Variants in GOLGA1 observed in about 807,000 individuals in gnomAD.
GOLGA1 encodes golgin subfamily A member 1.
A neutral mutation model predicts 119.7 loss-of-function variants in GOLGA1; 63 were observed. That is an observed-to-expected ratio of 0.53 (90% confidence interval 0.43 to 0.65). The LOEUF is 0.65. Ranked by LOEUF, GOLGA1 falls within the 30% of genes least tolerant of loss-of-function variation. GOLGA1 has a pLI of 0.00. For missense variants in GOLGA1, 798 were observed against 912.8 expected, an observed-to-expected ratio of 0.87 and a Z score of 1.62; for synonymous variants, 318 against 333.4, an observed-to-expected ratio of 0.95 and a Z score of 0.50.
chr9:124,887,197 G>A (rs992719842), intron 19 of GOLGA1, among the ~76,000 whole-genome samples: 3 of 152,216 alleles, frequency 2.0e-5, no homozygotes, highest in Admixed American at 6.5e-5. Flanking sequence ...AGAGGCTCAA[G>A]GGACGGAGGT....
At chr9:124,897,243 T>C (rs1403196643) in intron 15 of GOLGA1, among the ~76,000 whole-genome samples, 1 of 152,244 alleles carries the variant, frequency 6.6e-6, no homozygotes, top group Non-Finnish European at 1.5e-5. Flanking sequence ...CTCTATTTTC[T>C]TCATAGCATT....
intron 3 of GOLGA1, 82 bp from the exon 4 acceptor site, chr9:124,931,488 T>C: frequency 1.3e-6 from 1 of 754,872 alleles, no homozygotes; most frequent in Non-Finnish European, 2.4e-6. Flanking sequence ...AAGTCTTATT[T>C]TAGGTTTGGT....
In GOLGA1 at chr9:124,879,318, G is replaced by A. The variant is rs1829518111; in HGVS notation, c.*1212C>T. On this transcript the variant is annotated 3_prime_UTR_variant, in exon 23 of 23. Coordinates refer to ENST00000373555, the MANE Select transcript of GOLGA1 (RefSeq NM_002077.4). ...AGAACCAGCATGTTCCCTTTCCTCA[G>A]TAAACGAGGAATCCATAAAACAAGT... 1 of 152,094 alleles carries A rather than the reference G, an allele frequency of 6.6e-6. No homozygotes were observed. The allele number at this position is 152,094 out of a possible 1,614,324, so 9.4% of individuals were successfully genotyped here. A position where few individuals can be genotyped will look rare whatever the true frequency, so the allele number is the denominator to read the frequency against.
intron 16 of GOLGA1, among the ~76,000 whole-genome samples, 161 bp downstream of exon 16, chr9:124,890,226 TAG>T (rs1473824990): frequency 1.3e-5 from 2 of 152,142 alleles, no homozygotes. Flanking sequence ...CCCAGCTTCC[TAG>T]AGAGCACAGG....
At position 124,921,821 on chromosome 9, in the gene GOLGA1, A is replaced by G. The variant is rs140095910; in HGVS notation, c.633T>C (p.Arg211=). The change falls in exon 9 of 23, where the codon CGT becomes CGC. Residue 211 remains arginine (R), a synonymous_variant. Transcript: ENST00000373555. ...TGGAGTTCATCAACTCCTCCTGGGT[A>G]CGACTAAGTTCTCTGGTTCGTGCCT... ...ELEARTRELS[R]TQEELMNSNQ... 1,823 of 1,613,260 alleles carry G rather than the reference A, an allele frequency of 1.1e-3. 1 individual carries two copies. The highest frequency in any genetic ancestry group is 1.5e-3 in the Non-Finnish European group (1,739 of 1,179,134).
chr9:124,904,447 A>G (rs967081821), intron 12 of GOLGA1, among the ~76,000 whole-genome samples: 3 of 152,264 alleles, frequency 2.0e-5, no homozygotes, highest in African/African-American at 7.2e-5. Flanking sequence ...TCAGAAAAAT[A>G]TAGTTTAAAA....
chr9:124,913,109 A>G (rs1028194553), intron 10 of GOLGA1, among the ~76,000 whole-genome samples: 3 of 152,174 alleles, frequency 2.0e-5, no homozygotes, highest in African/African-American at 7.2e-5. Flanking sequence ...AGGATAGAGC[A>G]AGCGAGCGAG....
intron 2 of GOLGA1, among the ~76,000 whole-genome samples, chr9:124,939,770 C>G (rs183339175): frequency 1.3e-5 from 2 of 152,164 alleles, no homozygotes; most frequent in East Asian, 3.9e-4. Flanking sequence ...CCGTGTTGGT[C>G]AGGCTGGTCT....
intron 3 of GOLGA1, among the ~76,000 whole-genome samples, chr9:124,933,918 A>C (rs1830817404): frequency 6.6e-6 from 1 of 152,198 alleles, no homozygotes; most frequent in Non-Finnish European, 1.5e-5. Context: ...TGTTTCCTCC[A>C]AGCTTTTCCC....
chr9:124,886,198 T>C (rs1448359985), intron 19 of GOLGA1, among the ~76,000 whole-genome samples: 1 of 152,130 alleles, frequency 6.6e-6, no homozygotes, highest in Non-Finnish European at 1.5e-5. Flanking sequence ...TGGAGCTGTC[T>C]GGGCGGGAGG....
In GOLGA1 at chr9:124,946,760, C is replaced by T. The variant is rs1041708247; in HGVS notation, c.-156+1158G>A. On this transcript the variant is annotated intron_variant, in intron 1 of 4. Transcript: ENST00000421514. This position sits in a 1 kb window ranked among gnomAD's most constrained non-coding sequence, Gnocchi z 4.0. The stretch of plus-strand genomic sequence containing the variant: ...CACCATGCATCTAATATTAAAAACT[C>T]TACTTCATGTGCGAATATATCATCA... The T allele has an allele frequency of 2.6e-5, 4 of 152,296 alleles. No individual in the cohort carries two copies. Among genetic ancestry groups the T allele is most frequent in the Admixed American group, 6.5e-5 (1 of 15,292 alleles). 9.4% of individuals were successfully genotyped at this position (152,296 alleles called of 1,614,324 possible).
intron 12 of GOLGA1, among the ~76,000 whole-genome samples, chr9:124,903,324 C>A (rs565665790): frequency 1.1e-4 from 16 of 152,144 alleles, no homozygotes; most frequent in African/African-American, 3.6e-4. Context: ...CCTATCTCTG[C>A]TAAAAATACA....
chr9:124,934,136 G>T (rs1302309540), intron 3 of GOLGA1, among the ~76,000 whole-genome samples: 1 of 152,060 alleles, frequency 6.6e-6, no homozygotes, highest in Non-Finnish European at 1.5e-5. Context: ...AATAAGGCAA[G>T]GAAAAATGAA....
chr9:124,880,569 G>A lies in GOLGA1; in HGVS notation c.2265C>T (p.Ile755=). The change falls in exon 23 of 23, where the codon ATC becomes ATT. Residue 755 remains isoleucine (I), a synonymous_variant. Transcript: ENST00000373555. ...FGSKPAPKGS[I]RPSISNPRIP... ...TCCGAGGGTTTGAGATAGACGGCCG[G>A]ATGCTGCCCTTGGGAGCTGGTTTGG... The A allele has an allele frequency of 1.2e-6, 2 of 1,611,442 alleles. No individual in the cohort carries two copies. Among genetic ancestry groups the A allele is most frequent in the Non-Finnish European group, 1.7e-6 (2 of 1,177,708 alleles).
chr9:124,922,564 AAAAG>A (rs1166288452), intron 8 of GOLGA1, among the ~76,000 whole-genome samples: 8 of 151,304 alleles, frequency 5.3e-5, no homozygotes, highest in East Asian at 3.9e-4. Flanking sequence ...AAAAAAAAAA[AAAAG>A]AAAGAAAGAA....
chr9:124,909,467 A>T (rs1830297007), intron 11 of GOLGA1, among the ~76,000 whole-genome samples: 1 of 151,696 alleles, frequency 6.6e-6, no homozygotes, highest in African/African-American at 2.4e-5. Flanking sequence ...AATTAGCTGG[A>T]TGTGGTGGTG....
At chr9:124,947,232 C>G (rs1831159408) in intron 1 of GOLGA1, 2 of 152,096 alleles carry the variant, frequency 1.3e-5, no homozygotes, top group African/African-American at 4.8e-5. Context: ...ACATAATTTA[C>G]TACTCAGTAA....
chr9:124,881,702 A>T lies in GOLGA1; in HGVS notation c.2136+82T>A. On this transcript the variant is annotated intron_variant, in intron 21 of 22. Coordinates refer to ENST00000373555, the MANE Select transcript of GOLGA1 (RefSeq NM_002077.4). The surrounding 1 kb of genome is among the most constrained non-coding windows in gnomAD (Gnocchi z 4.9). ...ACCAGGATGTACGAGGAAAAGAGAGAAAGGGGCTGGGCAGGGGTCCCTGCA... is the reference window on the plus strand; with the variant it reads ...ACCAGGATGTACGAGGAAAAGAGAGTAAGGGGCTGGGCAGGGGTCCCTGCA... The T allele has an allele frequency of 1.1e-6, 1 of 912,740 alleles. No homozygotes were observed. Among genetic ancestry groups the T allele is most frequent in the Middle Eastern group, 2.3e-4 (1 of 4,300 alleles). The allele number at this position is 912,740 out of a possible 1,614,324, so 56.5% of individuals were successfully genotyped here. A position where few individuals can be genotyped will look rare whatever the true frequency, so the allele number is the denominator to read the frequency against.
At chr9:124,928,396 G>C in intron 5 of GOLGA1, 111 bp from the exon 6 acceptor site, 1 of 553,378 alleles carries the variant, frequency 1.8e-6, no homozygotes, top group South Asian at 2.5e-5. Context: ...AGTCACATAA[G>C]TGGATTGTGA....
Sources: gnomAD v4.1 joint callset for allele counts (sites outside exome capture counted in the v4.1 genomes callset) on GRCh38, gnomAD v4.1.1 for gene constraint, Gnocchi (gnomAD v3.1) non-coding constraint, MANE v1.5 for transcripts, NCBI Gene and HGNC (gene_info 2026-07-23, HGNC 2026-07-21) for gene names.